B3GALT1: variants seen among roughly 807,000 people sequenced by gnomAD.
The protein encoded by B3GALT1 is UDP-Gal:betaGlcNAc beta 1,3-galactosyltransferase, polypeptide 1.
B3GALT1 carries 10 observed loss-of-function variants against 23.2 expected under a neutral mutation model. The observed-to-expected ratio is 0.43, with a 90% CI of 0.27 to 0.73. The LOEUF is 0.73. Ranked by LOEUF, B3GALT1 falls within the 30% of genes least tolerant of loss-of-function variation. The pLI, the probability that B3GALT1 is intolerant of heterozygous loss-of-function variation, is 0.21. For synonymous variants in B3GALT1, 156 were observed against 141.5 expected (o/e 1.10, Z -0.73); for missense variants, 299 against 405.4 (o/e 0.74, Z 2.25).
At chr2:167,667,044 C>A (rs937145810) in intron 3 of B3GALT1, among the ~76,000 whole-genome samples, 1 of 151,728 alleles carries the variant, frequency 6.6e-6, no homozygotes, top group African/African-American at 2.4e-5. Context: ...TCTTCCTAGT[C>A]TCGATGGTCT....
intron 1 of B3GALT1, among the ~76,000 whole-genome samples, chr2:167,428,585 A>G (rs1300040059): frequency 1.3e-5 from 2 of 151,578 alleles, no homozygotes; most frequent in Non-Finnish European, 1.5e-5. Context: ...GGCTGAGGCA[A>G]GAGAATAGCT....
At chr2:167,437,267 T>G (rs1284679098) in intron 1 of B3GALT1, among the ~76,000 whole-genome samples, 1 of 152,224 alleles carries the variant, frequency 6.6e-6, no homozygotes, top group Non-Finnish European at 1.5e-5. Context: ...GGTGAAATGT[T>G]CAGTCACTGC....
intron 2 of B3GALT1, among the ~76,000 whole-genome samples, chr2:167,600,274 AT>A (rs1574160943): frequency 6.6e-6 from 1 of 152,182 alleles, no homozygotes; most frequent in Middle Eastern, 3.2e-3. Context: ...CCACCATGTT[AT>A]TGAGAACGGC....
intron 1 of B3GALT1, among the ~76,000 whole-genome samples, chr2:167,401,505 C>T (rs1698188686): frequency 1.3e-5 from 2 of 151,954 alleles, no homozygotes; most frequent in Non-Finnish European, 2.9e-5. Context: ...TATACAGGCT[C>T]TTACCCTTGG....
chr2:167,567,280 C>G (rs1419576215), intron 2 of B3GALT1, among the ~76,000 whole-genome samples: 1 of 152,004 alleles, frequency 6.6e-6, no homozygotes, highest in Admixed American at 6.6e-5. Context: ...ATGACAATAC[C>G]TGATTATATT....
intron 3 of B3GALT1, among the ~76,000 whole-genome samples, chr2:167,663,973 C>G (rs1686123815): frequency 6.6e-6 from 1 of 151,068 alleles, no homozygotes; most frequent in Admixed American, 6.6e-5. Flanking sequence ...TAATGAGATC[C>G]CATTTGTCAA....
At chr2:167,607,100 G>C (rs989366204) in intron 2 of B3GALT1, among the ~76,000 whole-genome samples, 6 of 151,990 alleles carry the variant, frequency 3.9e-5, no homozygotes, top group Admixed American at 1.3e-4. Flanking sequence ...GCTTAGTCAA[G>C]GTTAAGCTGA....
intron 3 of B3GALT1, among the ~76,000 whole-genome samples, chr2:167,803,733 C>T (rs1365551130): frequency 6.6e-6 from 1 of 152,108 alleles, no homozygotes; most frequent in Non-Finnish European, 1.5e-5. Context: ...ACATTCAGTC[C>T]ATTTATCCAA....
intron 2 of B3GALT1, among the ~76,000 whole-genome samples, chr2:167,518,195 A>G (rs1051556154): frequency 6.6e-6 from 1 of 152,170 alleles, no homozygotes; most frequent in African/African-American, 2.4e-5. Flanking sequence ...TAATTGCCCT[A>G]TACAGGAATC....
At chr2:167,511,278 A>G (rs1038252019) in intron 2 of B3GALT1, among the ~76,000 whole-genome samples, 7 of 152,188 alleles carry the variant, frequency 4.6e-5, no homozygotes, top group African/African-American at 9.7e-5. Flanking sequence ...CATAATCCTC[A>G]TGGGAGGGAC....
At chr2:167,316,801 CT>C (rs541820230) in intron 1 of B3GALT1, among the ~76,000 whole-genome samples, 6 of 152,074 alleles carry the variant, frequency 3.9e-5, no homozygotes, top group Non-Finnish European at 8.8e-5. Context: ...CTTATGGGTG[CT>C]TCCTGAGATC....
At chr2:167,756,989 A>G (rs1440657841) in intron 3 of B3GALT1, among the ~76,000 whole-genome samples, 1 of 152,098 alleles carries the variant, frequency 6.6e-6, no homozygotes, top group Non-Finnish European at 1.5e-5. Context: ...AAACGAGTAA[A>G]TTCAAATCCT....
chr2:167,294,160 C>T (rs1409317416), intron 1 of B3GALT1, among the ~76,000 whole-genome samples: 1 of 152,172 alleles, frequency 6.6e-6, no homozygotes, highest in African/African-American at 2.4e-5. Context: ...GGCCCGGCGT[C>T]CAGGTGGGGC....
At chr2:167,620,021 A>G (rs1280830557) in intron 2 of B3GALT1, among the ~76,000 whole-genome samples, 1 of 152,156 alleles carries the variant, frequency 6.6e-6, no homozygotes, top group Admixed American at 6.6e-5. Context: ...TATTAACAGG[A>G]GGCACCTACT....
intron 1 of B3GALT1, among the ~76,000 whole-genome samples, chr2:167,394,769 G>A (rs997190736): frequency 3.3e-5 from 5 of 152,118 alleles, no homozygotes; most frequent in Non-Finnish European, 7.4e-5. Context: ...CAAAATTGTA[G>A]AACACAGAAT....
intron 4 of B3GALT1, among the ~76,000 whole-genome samples, chr2:167,867,459 T>C (rs1277925572): frequency 1.3e-5 from 2 of 152,146 alleles, no homozygotes; most frequent in Non-Finnish European, 2.9e-5. Context: ...CATTCTAATA[T>C]TCATTTAGTT....
intron 1 of B3GALT1, among the ~76,000 whole-genome samples, chr2:167,458,393 A>T (rs1373299955): frequency 6.6e-6 from 1 of 152,310 alleles, no homozygotes; most frequent in Non-Finnish European, 1.5e-5. Flanking sequence ...TGTTTTAGCT[A>T]TTGTGAATAA....
intron 2 of B3GALT1, chr2:167,558,434 A>C (rs983654193): frequency 7.9e-5 from 12 of 152,610 alleles, no homozygotes; most frequent in African/African-American, 2.9e-4. Context: ...TCATCTCACT[A>C]GGGAGTGCCA....
chr2:167,724,732 T>A (rs1205595081), intron 3 of B3GALT1, among the ~76,000 whole-genome samples: 1 of 152,212 alleles, frequency 6.6e-6, no homozygotes, highest in African/African-American at 2.4e-5. Context: ...TGACAGTGGC[T>A]GGCCCAAAGG....
Sources: gnomAD v4.1 joint callset for allele counts (sites outside exome capture counted in the v4.1 genomes callset) on GRCh38, gnomAD v4.1.1 for gene constraint, MANE v1.5 for transcripts, NCBI Gene and HGNC (gene_info 2026-07-23, HGNC 2026-07-21) for gene names.